Variants in ZFHX3 observed in about 807,000 individuals in gnomAD.
ZFHX3 encodes the protein zinc finger homeobox protein 3.
Under a neutral mutation model 279.1 loss-of-function variants are expected in ZFHX3, and 42 were observed. That is an observed-to-expected ratio of 0.15 (90% CI 0.12 to 0.19). The LOEUF (loss-of-function observed/expected upper bound fraction) is 0.19. Ranked by LOEUF, ZFHX3 falls within the 10% of genes least tolerant of loss-of-function variation. The pLI is 1.00. For synonymous variants in ZFHX3, 2,293 were observed against 1,957.8 expected (o/e 1.17, Z -4.52); for missense variants, 4,981 against 4,754.0 (o/e 1.05, Z -1.40).
intron 5 of ZFHX3, among the ~76,000 whole-genome samples, chr16:73,225,327 AT>A (rs937609258): frequency 3.3e-5 from 5 of 152,252 alleles, no homozygotes; most frequent in Admixed American, 3.3e-4. Context: ...GTTTTAAAAG[AT>A]TTGAGGGCCT....
chr16:72,942,643 T>C (rs896407112), intron 3 of ZFHX3, among the ~76,000 whole-genome samples: 5 of 152,218 alleles, frequency 3.3e-5, no homozygotes, highest in African/African-American at 1.2e-4. Context: ...AAACAGTTTA[T>C]ACTGGAAATA....
intron 1 of ZFHX3, among the ~76,000 whole-genome samples, chr16:73,719,571 G>A (rs541376906): frequency 4.6e-5 from 7 of 152,198 alleles, no homozygotes; most frequent in African/African-American, 1.2e-4. Context: ...AAAATAACTC[G>A]CTGAAATCTT....
At position 72,788,681 on chromosome 16, in the gene ZFHX3, G is replaced by GCTC. The variant is rs1391358757; in HGVS notation, c.9594_9595insGAG (p.Gln3198_Gln3199insGlu). 1 of 1,613,374 alleles carries GCTC rather than the reference G, an allele frequency of 6.2e-7. No individual in the cohort carries two copies. The highest frequency in any genetic ancestry group is 8.5e-7 in the Non-Finnish European group (1 of 1,179,708). On this transcript the variant is annotated inframe_insertion, in exon 10 of 10. Coordinates refer to ENST00000268489, the MANE Select transcript of ZFHX3 (RefSeq NM_006885.4). ...ACCTGTGGTTGCTGCTGCTGCTGCTGCTGCTGGGGGGGTTGCTGAGGGCCC... is the reference window on the plus strand; with the variant it reads ...ACCTGTGGTTGCTGCTGCTGCTGCTGCTCCTGCTGGGGGGGTTGCTGAGGGCCC...
At chr16:72,932,580 C>A (rs1343585067) in intron 3 of ZFHX3, among the ~76,000 whole-genome samples, 2 of 149,582 alleles carry the variant, frequency 1.3e-5, no homozygotes, top group African/African-American at 4.9e-5. Context: ...GGTTAAATTA[C>A]TGGCTCAAGG....
chr16:73,619,285 G>A (rs554982721), intron 2 of ZFHX3, among the ~76,000 whole-genome samples: 22 of 151,792 alleles, frequency 1.4e-4, no homozygotes, highest in East Asian at 5.8e-4. Context: ...TCAGGAGATC[G>A]AGACCATCCT....
At chr16:73,062,777 G>A (rs1965702071), upstream of ZFHX3, among the ~76,000 whole-genome samples, 5 of 152,074 alleles carry the variant, frequency 3.3e-5, no homozygotes, top group South Asian at 1.0e-3. Flanking sequence ...AGGTTGAAAG[G>A]ACGCCTCTCC....
intron 1 of ZFHX3, among the ~76,000 whole-genome samples, chr16:73,797,781 T>C (rs879118608): frequency 6.6e-6 from 1 of 151,766 alleles, no homozygotes; most frequent in Admixed American, 6.6e-5. Flanking sequence ...AAAACATGCT[T>C]ATGTATAGGA....
At chr16:73,127,549 G>A in intron 7 of ZFHX3, 1 of 1,305,428 alleles carries the variant, frequency 7.7e-7, no homozygotes, top group Non-Finnish European at 1.0e-6. Flanking sequence ...GAGGCTTTGG[G>A]CTCAGCCGAG....
At chr16:73,710,683 C>T (rs540800165) in intron 1 of ZFHX3, among the ~76,000 whole-genome samples, 1 of 152,306 alleles carries the variant, frequency 6.6e-6, no homozygotes, top group East Asian at 1.9e-4. Context: ...CACCTGCCTC[C>T]CGTTGTCTCT....
chr16:73,255,188 C>T (rs1597246414), intron 5 of ZFHX3, among the ~76,000 whole-genome samples: 1 of 152,186 alleles, frequency 6.6e-6, no homozygotes, highest in Admixed American at 6.5e-5. Flanking sequence ...TAGGATCATA[C>T]CTTTTTATGA....
chr16:73,012,911 C>T (rs1963964223), intron 1 of ZFHX3, among the ~76,000 whole-genome samples: 1 of 152,188 alleles, frequency 6.6e-6, no homozygotes, highest in Non-Finnish European at 1.5e-5. Context: ...AATGAATTGT[C>T]ATTTGCAATA....
chr16:73,405,526 T>C (rs1224784912), intron 3 of ZFHX3, among the ~76,000 whole-genome samples: 1 of 152,148 alleles, frequency 6.6e-6, no homozygotes, highest in Non-Finnish European at 1.5e-5. Flanking sequence ...CACAGATTTA[T>C]TAAAAAGAAA....
chr16:73,330,554 A>C (rs192067807), intron 3 of ZFHX3, among the ~76,000 whole-genome samples: 1 of 152,302 alleles, frequency 6.6e-6, no homozygotes, highest in African/African-American at 2.4e-5. Context: ...TTGTTTATTT[A>C]AGGGCCTTCT....
chr16:73,342,457 T>C (rs1956180244), intron 3 of ZFHX3, among the ~76,000 whole-genome samples: 1 of 152,146 alleles, frequency 6.6e-6, no homozygotes, highest in African/African-American at 2.4e-5. Flanking sequence ...GGATAAACGA[T>C]GGTGCAATCA....
chr16:72,920,894 A>AC (rs1238357974), intron 3 of ZFHX3, among the ~76,000 whole-genome samples: 32 of 151,700 alleles, frequency 2.1e-4, no homozygotes, highest in South Asian at 4.2e-4. Flanking sequence ...AGAAAGTGAG[A>AC]CCCCCCATAT....
At chr16:73,026,305 G>T (rs9935911) in intron 1 of ZFHX3, among the ~76,000 whole-genome samples, 1 of 150,498 alleles carries the variant, frequency 6.6e-6, no homozygotes, top group Admixed American at 6.6e-5. Flanking sequence ...CCCAGGAGGC[G>T]GAGGTTGCAG....
intron 1 of ZFHX3, among the ~76,000 whole-genome samples, chr16:73,738,391 C>T (rs7205568): frequency 0.032 from 4,836 of 152,268 alleles, 272 homozygotes; most frequent in African/African-American, 0.11. Flanking sequence ...TGAGCTGAAG[C>T]CTGACACTGA....
intron 2 of ZFHX3, among the ~76,000 whole-genome samples, chr16:73,518,670 G>C (rs1389923702): frequency 1.3e-5 from 2 of 152,082 alleles, no homozygotes; most frequent in African/African-American, 4.8e-5. Flanking sequence ...TAACAATTTT[G>C]AGCAAATGCT....
chr16:73,472,915 T>G (rs2018694379), intron 2 of ZFHX3, among the ~76,000 whole-genome samples: 1 of 152,156 alleles, frequency 6.6e-6, no homozygotes, highest in Admixed American at 6.6e-5. Flanking sequence ...TCAATTCCCA[T>G]TACCCTTTCA....
Sources: gnomAD v4.1 joint callset for allele counts (sites outside exome capture counted in the v4.1 genomes callset) on GRCh38, gnomAD v4.1.1 for gene constraint, MANE v1.5 for transcripts, NCBI Gene and HGNC (gene_info 2026-07-23, HGNC 2026-07-21) for gene names.